The following TBX20 variants were observed in gnomAD, a reference collection of about 807,000 sequenced individuals.
TBX20 encodes T-box transcription factor 20.
TBX20 carries 8 observed loss-of-function variants against 42.9 expected under a neutral mutation model. The observed-to-expected ratio is 0.19, with a 90% CI of 0.11 to 0.34. The LOEUF is 0.34. Among genes scored for constraint, TBX20 ranks in the 10% least tolerant of loss-of-function variants. TBX20 has a pLI of 1.00. For missense variants in TBX20, 411 were observed against 566.0 expected (o/e 0.73, Z 2.78); for synonymous variants, 198 against 222.8 (o/e 0.89, Z 0.99).
chr7:35,208,914 G>T (rs754428232), intron 6 of TBX20, among the ~76,000 whole-genome samples: 1 of 151,810 alleles, frequency 6.6e-6, no homozygotes, highest in Non-Finnish European at 1.5e-5. Flanking sequence ...TTCCTAGTTT[G>T]CTGAGAGTTT....
chr7:35,219,035 C>T (rs937528544), intron 6 of TBX20, among the ~76,000 whole-genome samples: 3 of 152,174 alleles, frequency 2.0e-5, no homozygotes, highest in African/African-American at 7.2e-5. Flanking sequence ...TTATAAGCTA[C>T]CTTGTTTATG....
intron 6 of TBX20, among the ~76,000 whole-genome samples, chr7:35,213,058 T>G (rs1041607501): frequency 6.6e-6 from 1 of 152,192 alleles, no homozygotes; most frequent in African/African-American, 2.4e-5. Flanking sequence ...CCCACTGCCA[T>G]GGTCTATACC....
chr7:35,212,709 A>C (rs1789518787), intron 6 of TBX20, among the ~76,000 whole-genome samples: 1 of 152,192 alleles, frequency 6.6e-6, no homozygotes, highest in African/African-American at 2.4e-5. Flanking sequence ...CTTCTAAATC[A>C]CAAGGTTTTC....
chr7:35,203,624 T>G (rs1789344480), intron 7 of TBX20, among the ~76,000 whole-genome samples: 1 of 152,248 alleles, frequency 6.6e-6, no homozygotes, highest in Non-Finnish European at 1.5e-5. Context: ...ATGTTACAGG[T>G]AAGGCTTCTG....
chr7:35,226,116 T>C (rs1358313296), intron 6 of TBX20, among the ~76,000 whole-genome samples: 3 of 151,882 alleles, frequency 2.0e-5, no homozygotes, highest in Non-Finnish European at 4.4e-5. Context: ...CCAAAATAAA[T>C]ACTACACAAG....
At chr7:35,202,879 T>A (rs1789329203) in intron 7 of TBX20, 109 bp from the exon 8 acceptor site, 6 of 1,537,208 alleles carry the variant, frequency 3.9e-6, no homozygotes, top group Non-Finnish European at 5.3e-6. Context: ...AATACGTCTG[T>A]AATTTAGAAA....
rs1433186242 is a variant in TBX20, at chr7:35,249,190, G to A, written c.381-349C>T. Among the ~76,000 whole-genome samples the A allele has an allele frequency of 3.3e-5, 5 of 152,306 alleles. No individual in the cohort carries two copies. The highest frequency in any genetic ancestry group is 2.0e-4 in the Admixed American group (3 of 15,308). ...AAGCACATTAAGTGTCCCAGGACCC[G>A]AAGTCCCTGGAGCTGACCCAGTCAC... On this transcript the variant is annotated intron_variant, in intron 2 of 7. Coordinates refer to ENST00000408931, the MANE Select transcript of TBX20 (RefSeq NM_001077653.2). The surrounding 1 kb of genome is among the most constrained non-coding windows in gnomAD (Gnocchi z 4.3).
At chr7:35,242,998 G>T (rs1790112644) in intron 4 of TBX20, among the ~76,000 whole-genome samples, 1 of 151,760 alleles carries the variant, frequency 6.6e-6, no homozygotes, top group African/African-American at 2.4e-5. Context: ...TTTTTTTTGA[G>T]ACAGGGTCTT....
chr7:35,235,203 C>T (rs916105643), intron 5 of TBX20, among the ~76,000 whole-genome samples: 3 of 150,956 alleles, frequency 2.0e-5, no homozygotes, highest in Admixed American at 2.0e-4. Context: ...AGAGTTTATG[C>T]CACAATATTT....
chr7:35,253,550 A>C lies in TBX20; in HGVS notation c.71T>G (p.Met24Arg). ...RANAFSIAAL[M>R]SSGGSKEKEA... ...CTTCTCCTTAGAGCCGCCGCTCGAC[A>C]TGAGCGCGGCAATGGAGAAGGCGTT... The change falls in exon 1 of 8, where the codon ATG (methionine) becomes AGG (arginine). Residue 24 changes from methionine (M) to arginine (R), a missense_variant. Met to Arg is a moderately conservative substitution (Grantham distance 91). Around this residue, in one of 5 missense-constraint regions of TBX20, gnomAD observed 114 missense variants for 128.0 expected, o/e 0.89. Transcript: ENST00000408931. 6.2e-7 allele frequency: 1 copy of C among 1,612,872 alleles called. No homozygotes were observed. The highest frequency in any genetic ancestry group is 8.5e-7 in the Non-Finnish European group (1 of 1,180,008).
At chr7:35,221,469 A>G (rs1190800210) in intron 6 of TBX20, among the ~76,000 whole-genome samples, 1 of 152,158 alleles carries the variant, frequency 6.6e-6, no homozygotes, top group Non-Finnish European at 1.5e-5. Context: ...AAAACTTTCT[A>G]GAAACATTTT....
intron 3 of TBX20, among the ~76,000 whole-genome samples, chr7:35,247,832 C>A (rs114821849): frequency 0.011 from 1,702 of 152,286 alleles, 30 homozygotes; most frequent in African/African-American, 0.039. Flanking sequence ...AACATAAAGT[C>A]AGCTAATATG....
chr7:35,228,721 C>T (rs13236038), intron 6 of TBX20, among the ~76,000 whole-genome samples: 85 of 152,116 alleles, frequency 5.6e-4, no homozygotes, highest in Admixed American at 3.6e-3. Context: ...TGTTATTATA[C>T]GGAACCAGCC....
At position 35,202,501 on chromosome 7, in the gene TBX20, A is replaced by G; in HGVS notation, c.1273T>C (p.Phe425Leu). ...SFHMPRYHHY[F>L]QQGPYAAIQG... ...ATGGCAGCATAGGGCCCCTGCTGAA[A>G]ATAGTGATGGTATCGCGGCATGTGG... The change falls in exon 8 of 8, where the codon TTT becomes CTT. Residue 425 changes from phenylalanine to leucine, a missense_variant. By Grantham distance (22) the Phe-to-Leu change is conservative. Transcript: ENST00000408931. The G allele has an allele frequency of 2.5e-6, 4 of 1,609,458 alleles. No homozygotes were observed. Among genetic ancestry groups the G allele is most frequent in the Non-Finnish European group, 3.4e-6 (4 of 1,177,962 alleles).
At chr7:35,225,049 T>C (rs1439949255) in intron 6 of TBX20, among the ~76,000 whole-genome samples, 2 of 152,122 alleles carry the variant, frequency 1.3e-5, no homozygotes, top group Non-Finnish European at 2.9e-5. Flanking sequence ...AAAATCATCA[T>C]TTTTGCAAAT....
Position 35,202,766 on chromosome 7 carries a change from T to A in TBX20, c.1008A>T (p.Ser336=), listed in dbSNP as rs1789327099. The change falls in exon 8 of 8, where the codon TCA becomes TCT. Residue 336 remains serine, a synonymous_variant. Coordinates refer to ENST00000408931, the MANE Select transcript of TBX20 (RefSeq NM_001077653.2). ...ACAAATTATCAGATGTTGTAAAGGC[T>A]GACCCTGTAAGGAAAAACACTCATT... is the stretch of plus-strand genomic sequence containing the variant. ...DESQTTPNRG[S]AFTTSDNLSL... is the part of the protein sequence containing the mutation. The A allele has an allele frequency of 6.4e-7, 1 of 1,551,748 alleles. No homozygotes were observed. Among genetic ancestry groups the A allele is most frequent in the Non-Finnish European group, 8.7e-7 (1 of 1,147,732 alleles).
intron 4 of TBX20, among the ~76,000 whole-genome samples, chr7:35,243,511 C>T (rs908075313): frequency 2.0e-5 from 3 of 152,118 alleles, no homozygotes; most frequent in African/African-American, 7.2e-5. Flanking sequence ...AATAATTCCT[C>T]TAAAAGCTTC....
At chr7:35,235,784 C>G (rs1439418882) in intron 5 of TBX20, among the ~76,000 whole-genome samples, 1 of 152,082 alleles carries the variant, frequency 6.6e-6, no homozygotes. Flanking sequence ...TTGACACTAC[C>G]TGCTGTGCAA....
chr7:35,238,597 C>T (rs1244670537), intron 5 of TBX20, among the ~76,000 whole-genome samples: 1 of 152,178 alleles, frequency 6.6e-6, no homozygotes, highest in African/African-American at 2.4e-5. Flanking sequence ...GGAATGTTTT[C>T]GGAATCTTTT....
Sources: gnomAD v4.1 joint callset for allele counts (sites outside exome capture counted in the v4.1 genomes callset) on GRCh38, gnomAD v4.1.1 for gene constraint, gnomAD v4.1.1 regional missense constraint, Gnocchi (gnomAD v3.1) non-coding constraint, MANE v1.5 for transcripts, NCBI Gene and HGNC (gene_info 2026-07-23, HGNC 2026-07-21) for gene names.